The following PRDM16 variants were observed in gnomAD, a reference collection of about 807,000 sequenced individuals.
PRDM16 encodes the protein histone-lysine N-methyltransferase PRDM16.
PRDM16 carries 23 observed loss-of-function variants against 110.6 expected under a neutral mutation model. That is an observed-to-expected ratio of 0.21 (90% CI 0.15 to 0.29). The LOEUF (loss-of-function observed/expected upper bound fraction) is 0.29. PRDM16 is among the 10% of genes least tolerant of loss of function. PRDM16 has a pLI of 1.00. For synonymous variants in PRDM16, 799 were observed against 781.8 expected, an observed-to-expected ratio of 1.02 and a Z score of -0.37; for missense variants, 1,615 against 1,794.3, an observed-to-expected ratio of 0.90 and a Z score of 1.81.
In PRDM16 at chr1:3,142,606, G is replaced by A. The variant is rs955394366; in HGVS notation, c.38-43519G>A. On this transcript the variant is annotated intron_variant, in intron 1 of 16. Coordinates refer to ENST00000270722, the MANE Select transcript of PRDM16 (RefSeq NM_022114.4). ...AGAGTCTGAGGCTTCAGGGAAGACA[G>A]GCTGCCACTGCCGTGTATGTTCCCA... Among the ~76,000 whole-genome samples the A allele has an allele frequency of 2.6e-5, 4 of 152,210 alleles. No homozygotes were observed. In the East Asian group the frequency reaches 5.8e-4, roughly 22 times the overall value.
chr1:3,435,588 G>A lies in PRDM16; in HGVS notation c.*1777G>A. On this transcript the variant is annotated 3_prime_UTR_variant, in exon 17 of 17. Coordinates refer to ENST00000270722, the MANE Select transcript of PRDM16 (RefSeq NM_022114.4). ...AAAAGAAGAGAAAAAAAATGCCCAA[G>A]TTGCCCTTTAAAAAAAAAGAGCGTA... The A allele has an allele frequency of 4.3e-6, 1 of 230,606 alleles. No homozygotes were observed. The highest frequency in any genetic ancestry group is 8.6e-6 in the Non-Finnish European group (1 of 116,798). The allele number at this position is 230,606 out of a possible 1,614,324, so 14.3% of individuals were successfully genotyped here.
At chr1:3,155,737 T>A (rs1000082381) in intron 1 of PRDM16, among the ~76,000 whole-genome samples, 1 of 152,174 alleles carries the variant, frequency 6.6e-6, no homozygotes, top group African/African-American at 2.4e-5. Context: ...TTTATTCAAA[T>A]AAAATCTAGG....
intron 3 of PRDM16, among the ~76,000 whole-genome samples, chr1:3,252,949 G>A (rs1639966963): frequency 6.6e-6 from 1 of 152,240 alleles, no homozygotes; most frequent in Middle Eastern, 3.4e-3. Flanking sequence ...TGGAGATGTG[G>A]CATTCCCCCT....
intron 2 of PRDM16, among the ~76,000 whole-genome samples, chr1:3,192,007 A>G (rs1404780988): frequency 6.6e-6 from 1 of 152,270 alleles, no homozygotes; most frequent in Non-Finnish European, 1.5e-5. Flanking sequence ...GGTTTTTGCA[A>G]TGTGGCCAGG....
chr1:3,371,224 C>CCCAT (rs1557638259), intron 3 of PRDM16, among the ~76,000 whole-genome samples: 5 of 131,818 alleles, frequency 3.8e-5, no homozygotes, highest in African/African-American at 8.6e-5. Flanking sequence ...CACCCATCCA[C>CCCAT]CCATCCATCC....
intron 3 of PRDM16, among the ~76,000 whole-genome samples, chr1:3,314,172 T>G (rs1641542840): frequency 6.7e-6 from 1 of 149,792 alleles, no homozygotes; most frequent in South Asian, 2.1e-4. Flanking sequence ...AGTGCAGGGT[T>G]TCCAGGACCG....
At chr1:3,257,838 A>G (rs1004459956) in intron 3 of PRDM16, among the ~76,000 whole-genome samples, 1 of 152,190 alleles carries the variant, frequency 6.6e-6, no homozygotes, top group Non-Finnish European at 1.5e-5. Context: ...GCCATTTTAT[A>G]TAAGAAACTT....
intron 1 of PRDM16, among the ~76,000 whole-genome samples, chr1:3,070,021 C>G (rs1162199039): frequency 6.6e-6 from 1 of 151,876 alleles, no homozygotes; most frequent in Non-Finnish European, 1.5e-5. Context: ...GGGCGCTCCT[C>G]TGGGACGCCG....
Position 3,157,240 on chromosome 1 carries a change from T to C in PRDM16, c.38-28885T>C, listed in dbSNP as rs1643866187. ...CAGGCCCTCAGGGAGCGTGGCCAGA[T>C]CCGGCAGATGAAATCCAGGACACCC... is the stretch of plus-strand genomic sequence containing the variant. On this transcript the variant is annotated intron_variant, in intron 1 of 16. Coordinates refer to ENST00000270722, the MANE Select transcript of PRDM16 (RefSeq NM_022114.4). The surrounding 1 kb of genome is among the most constrained non-coding windows in gnomAD (Gnocchi z 4.8). 2.0e-5 allele frequency among the ~76,000 whole-genome samples: 3 copies of C among 152,140 alleles called. No individual in the cohort carries two copies. In the South Asian group the frequency reaches 6.2e-4, roughly 32 times the overall value.
chr1:3,326,252 G>A (rs78780726), intron 3 of PRDM16, among the ~76,000 whole-genome samples: 2,826 of 152,270 alleles, frequency 0.019, 49 homozygotes, highest in Non-Finnish European at 0.027. Flanking sequence ...CTCCATCCCC[G>A]CCTCTGTCTT....
In PRDM16 at chr1:3,343,893, G is replaced by A. The variant is rs865866760; in HGVS notation, c.439-41259G>A. Reference sequence around the variant, plus strand: ...CCTGACCTTGTGATCCACCCACCTCGGCCTCCCAAAGTGCTGGGATTACAG... The same window carrying A: ...CCTGACCTTGTGATCCACCCACCTCAGCCTCCCAAAGTGCTGGGATTACAG... On this transcript the variant is annotated intron_variant, in intron 3 of 16. Coordinates refer to ENST00000270722, the MANE Select transcript of PRDM16 (RefSeq NM_022114.4). Among the ~76,000 whole-genome samples the A allele has an allele frequency of 1.3e-4, 20 of 152,204 alleles. No individual in the cohort carries two copies. The Middle Eastern group carries it at 0.01, about 78-fold the overall frequency.
intron 1 of PRDM16, among the ~76,000 whole-genome samples, chr1:3,089,226 C>T (rs574263964): frequency 3.9e-5 from 6 of 152,360 alleles, no homozygotes; most frequent in African/African-American, 1.4e-4. Context: ...CTGGCCCCTG[C>T]CTGGAGAAGG....
intron 14 of PRDM16, among the ~76,000 whole-genome samples, chr1:3,429,368 G>A (rs1638703841): frequency 6.6e-6 from 1 of 152,246 alleles, no homozygotes; most frequent in Admixed American, 6.5e-5. Flanking sequence ...TCTGTGCATG[G>A]GGGGTGTGCA....
intron 3 of PRDM16, among the ~76,000 whole-genome samples, chr1:3,270,184 A>G (rs574409081): frequency 2.0e-4 from 29 of 145,630 alleles, no homozygotes; most frequent in South Asian, 4.5e-4. Context: ...GGAGGAGGAC[A>G]GTCGGGGAAG....
At chr1:3,188,294 AG>A (rs1644295142) in intron 2 of PRDM16, among the ~76,000 whole-genome samples, 1 of 152,222 alleles carries the variant, frequency 6.6e-6, no homozygotes, top group Non-Finnish European at 1.5e-5. Flanking sequence ...TGAGAGGTCC[AG>A]GGGCCCTGCA....
chr1:3,329,830 T>C (rs755373170), intron 3 of PRDM16, among the ~76,000 whole-genome samples: 12 of 152,244 alleles, frequency 7.9e-5, no homozygotes, highest in Non-Finnish European at 1.5e-4. Flanking sequence ...TGGTGGGCTG[T>C]GTTCTCCGGC....
Position 3,269,842 on chromosome 1 carries a change from A to AGGAAAG in PRDM16, c.438+25705_438+25706insGGAAAG, listed in dbSNP as rs1569962861. Reference sequence around the variant, plus strand: ...ACAGGGAGGAGGACAGTCCCAGAGGATGAAAGTCCCAGAGGAGGAAAGTCC... The same window carrying AGGAAAG: ...ACAGGGAGGAGGACAGTCCCAGAGGAGGAAAGTGAAAGTCCCAGAGGAGGAAAGTCC... On this transcript the variant is annotated intron_variant, in intron 3 of 16. Transcript: ENST00000270722. Among the ~76,000 whole-genome samples, 12 of 81,814 alleles carry AGGAAAG rather than the reference A, an allele frequency of 1.5e-4. No homozygotes were observed. The East Asian group carries it at 2.3e-3, about 16-fold the overall frequency. The allele number at this position is 81,814 out of a possible 152,430, so 53.7% of individuals were successfully genotyped here.
In PRDM16 at chr1:3,209,016, G is replaced by T. The variant is rs1638818325; in HGVS notation, c.387+22542G>T. The stretch of plus-strand genomic sequence containing the variant: ...GTGACCACCTGCTTCTCAGCAGGTG[G>T]CTGGGACTTAACTCTCAAGGGTATT... On this transcript the variant is annotated intron_variant, in intron 2 of 16. Transcript: ENST00000270722. The surrounding 1 kb of genome is among the most constrained non-coding windows in gnomAD (Gnocchi z 4.6). 6.6e-6 allele frequency among the ~76,000 whole-genome samples: 1 copy of T among 152,198 alleles called. No individual in the cohort carries two copies. Among genetic ancestry groups the T allele is most frequent in the Non-Finnish European group, 1.5e-5 (1 of 68,042 alleles).
intron 3 of PRDM16, among the ~76,000 whole-genome samples, chr1:3,381,629 G>A (rs1167463764): frequency 1.3e-5 from 2 of 152,076 alleles, no homozygotes; most frequent in Non-Finnish European, 2.9e-5. Context: ...GACCTCAGGT[G>A]ATCCACCCGC....
Sources: allele counts gnomAD v4.1 joint callset (sites outside exome capture counted in the v4.1 genomes callset), GRCh38; gene constraint gnomAD v4.1.1; non-coding constraint Gnocchi (gnomAD v3.1); transcripts MANE v1.5; gene names NCBI Gene and HGNC (gene_info 2026-07-23, HGNC 2026-07-21).